The following LRRIQ3 variants were observed in gnomAD, a reference collection of about 807,000 sequenced individuals.
The protein encoded by LRRIQ3 is leucine rich repeats and IQ motif containing 3.
Under a neutral mutation model 59.3 loss-of-function variants are expected in LRRIQ3, and 75 were observed. The observed-to-expected ratio is 1.26, with a 90% CI of 1.05 to 1.53. The LOEUF (loss-of-function observed/expected upper bound fraction) is 1.53, where lower values mean the gene tolerates loss of function less well. Ranked by LOEUF, LRRIQ3 falls within the 40% of genes most tolerant of loss-of-function variation. The pLI, the probability that LRRIQ3 is intolerant of heterozygous loss-of-function variation, is 0.00. For synonymous variants in LRRIQ3, 250 were observed against 231.3 expected (o/e 1.08, Z -0.73); for missense variants, 831 against 710.0 (o/e 1.17, Z -1.94).
At chr1:74,148,165 C>T (rs1647694804) in intron 4 of LRRIQ3, among the ~76,000 whole-genome samples, 1 of 152,158 alleles carries the variant, frequency 6.6e-6, no homozygotes, top group Non-Finnish European at 1.5e-5. Context: ...GACATCTGTA[C>T]ATCTGGTGTT....
At chr1:74,145,593 T>C (rs1209356615) in intron 4 of LRRIQ3, among the ~76,000 whole-genome samples, 2 of 152,110 alleles carry the variant, frequency 1.3e-5, no homozygotes, top group Admixed American at 6.6e-5. Flanking sequence ...AAATAACTCA[T>C]TAACTACTCA....
intron 4 of LRRIQ3, among the ~76,000 whole-genome samples, chr1:74,134,580 A>G (rs1647088370): frequency 6.6e-6 from 1 of 152,000 alleles, no homozygotes; most frequent in Non-Finnish European, 1.5e-5. Flanking sequence ...TTAAATTACC[A>G]TATATAGATG....
At chr1:74,093,126 C>CAA (rs796595541) in intron 5 of LRRIQ3, among the ~76,000 whole-genome samples, 1 of 143,048 alleles carries the variant, frequency 7.0e-6, no homozygotes, top group Non-Finnish European at 1.5e-5. Flanking sequence ...AATGTATTAC[C>CAA]AAAAAAAAAA....
intron 3 of LRRIQ3, chr1:74,180,754 C>T (rs1233811519): frequency 6.5e-7 from 1 of 1,550,290 alleles, no homozygotes; most frequent in Non-Finnish European, 8.7e-7. Context: ...TCCTAAACCT[C>T]ACTATGCTTC....
chr1:74,182,533 A>G lies in LRRIQ3; in HGVS notation c.573+5T>C, dbSNP rs1650044059. ...TTAAAATGAAACCCTAAAGAAGCCA[A>G]TTACCTTTCTCAAAGCTGGGCAGAA... On this transcript the variant is annotated splice_donor_5th_base_variant and intron_variant, in intron 3 of 7. Transcript: ENST00000354431. 10 of 1,514,216 alleles carry G rather than the reference A, an allele frequency of 6.6e-6. No homozygotes were observed. The highest frequency in any genetic ancestry group is 8.8e-6 in the Non-Finnish European group (10 of 1,133,868). 93.8% of individuals were successfully genotyped at this position (1,514,216 alleles called of 1,614,324 possible).
At chr1:74,131,344 A>G (rs1647016416) in intron 4 of LRRIQ3, among the ~76,000 whole-genome samples, 1 of 152,162 alleles carries the variant, frequency 6.6e-6, no homozygotes, top group Non-Finnish European at 1.5e-5. Context: ...CAATCAATAG[A>G]AAAAGAGGGA....
At chr1:74,118,422 A>G (rs1646807342) in intron 4 of LRRIQ3, among the ~76,000 whole-genome samples, 1 of 152,144 alleles carries the variant, frequency 6.6e-6, no homozygotes, top group Non-Finnish European at 1.5e-5. Flanking sequence ...CTTTTTAACA[A>G]CTGCATAATA....
chr1:74,084,946 T>C (rs1190180630), intron 5 of LRRIQ3, among the ~76,000 whole-genome samples: 1 of 151,698 alleles, frequency 6.6e-6, no homozygotes, highest in Non-Finnish European at 1.5e-5. Flanking sequence ...CTTTGAAGGG[T>C]ATTCCAAGTT....
chr1:74,156,499 C>T (rs1386642553), intron 3 of LRRIQ3, among the ~76,000 whole-genome samples: 1 of 151,990 alleles, frequency 6.6e-6, no homozygotes, highest in Non-Finnish European at 1.5e-5. Context: ...ACATAAGATT[C>T]TTGATGATAA....
chr1:74,171,758 A>G (rs961603012), intron 3 of LRRIQ3, among the ~76,000 whole-genome samples: 18 of 152,100 alleles, frequency 1.2e-4, no homozygotes, highest in African/African-American at 3.9e-4. Context: ...CTGACCCTGG[A>G]CTTTTCTCAT....
chr1:74,055,221 T>C (rs942601047), intron 6 of LRRIQ3, among the ~76,000 whole-genome samples: 10 of 144,846 alleles, frequency 6.9e-5, no homozygotes, highest in Non-Finnish European at 3.0e-5. Flanking sequence ...TACACACACA[T>C]ACATATAAAG....
At chr1:74,169,174 T>C (rs1042848337) in intron 3 of LRRIQ3, among the ~76,000 whole-genome samples, 1 of 152,172 alleles carries the variant, frequency 6.6e-6, no homozygotes, top group African/African-American at 2.4e-5. Flanking sequence ...TCATCCGGTA[T>C]TTGTCCTTCC....
chr1:74,085,349 A>C (rs1209551221), intron 5 of LRRIQ3, among the ~76,000 whole-genome samples: 1 of 151,300 alleles, frequency 6.6e-6, no homozygotes, highest in Admixed American at 6.6e-5. Flanking sequence ...AATAAAACAC[A>C]ACCTGCCATA....
intron 4 of LRRIQ3, among the ~76,000 whole-genome samples, chr1:74,131,469 T>C (rs931850112): frequency 6.6e-6 from 1 of 151,958 alleles, no homozygotes; most frequent in Non-Finnish European, 1.5e-5. Flanking sequence ...CAATGCAAAA[T>C]TCCTCGATAA....
chr1:74,087,280 T>G (rs951776607), intron 5 of LRRIQ3, among the ~76,000 whole-genome samples: 4 of 151,916 alleles, frequency 2.6e-5, no homozygotes, highest in African/African-American at 9.7e-5. Context: ...ATTAACACAT[T>G]TGCCAAGCTA....
At chr1:74,171,606 T>C (rs1207500342) in intron 3 of LRRIQ3, among the ~76,000 whole-genome samples, 1 of 152,092 alleles carries the variant, frequency 6.6e-6, no homozygotes, top group African/African-American at 2.4e-5. Flanking sequence ...CCTGTAGTTT[T>C]CTTGTGTTGT....
At chr1:74,072,514 T>G (rs1264988507) in intron 6 of LRRIQ3, among the ~76,000 whole-genome samples, 5 of 151,900 alleles carry the variant, frequency 3.3e-5, no homozygotes, top group Non-Finnish European at 7.4e-5. Flanking sequence ...TATTTTTTAA[T>G]TGAGAGATTA....
chr1:74,153,297 A>G (rs1407066711), intron 4 of LRRIQ3, among the ~76,000 whole-genome samples: 1 of 152,134 alleles, frequency 6.6e-6, no homozygotes, highest in African/African-American at 2.4e-5. Flanking sequence ...AATCATAATA[A>G]TTTTATAAAT....
intron 4 of LRRIQ3, among the ~76,000 whole-genome samples, chr1:74,122,764 C>T (rs1646878768): frequency 6.6e-6 from 1 of 152,082 alleles, no homozygotes; most frequent in Admixed American, 6.6e-5. Context: ...AGGACATAGG[C>T]ATGGGCAAGG....
Sources: gnomAD v4.1 joint callset for allele counts (sites outside exome capture counted in the v4.1 genomes callset) on GRCh38, gnomAD v4.1.1 for gene constraint, MANE v1.5 for transcripts, NCBI Gene and HGNC (gene_info 2026-07-23, HGNC 2026-07-21) for gene names.